Variants in TAFA2 observed in about 807,000 individuals in gnomAD.
TAFA2 encodes chemokine-like protein TAFA-2.
A neutral mutation model predicts 18.8 loss-of-function variants in TAFA2; 7 were observed. The ratio of observed to expected loss-of-function variants is 0.37; its 90% CI spans 0.21 to 0.70. The LOEUF (loss-of-function observed/expected upper bound fraction) is 0.70, where lower values mean the gene tolerates loss of function less well. Among genes scored for constraint, TAFA2 ranks in the 30% least tolerant of loss-of-function variants. The pLI, the probability that TAFA2 is intolerant of heterozygous loss-of-function variation, is 0.53. For missense variants in TAFA2, 122 were observed against 158.1 expected (o/e 0.77, Z 1.23); for synonymous variants, 60 against 54.2 (o/e 1.11, Z -0.47).
chr12:61,855,427 T>C (rs1873843202), intron 2 of TAFA2, among the ~76,000 whole-genome samples: 1 of 152,178 alleles, frequency 6.6e-6, no homozygotes, highest in African/African-American at 2.4e-5. Flanking sequence ...GCTTGTCTAT[T>C]AAGCTCTGCA....
At chr12:62,223,429 C>T (rs2062772616) in intron 1 of TAFA2, among the ~76,000 whole-genome samples, 2 of 152,154 alleles carry the variant, frequency 1.3e-5, no homozygotes, top group Admixed American at 1.3e-4. Flanking sequence ...CCCCTCACCT[C>T]GGCCTCCCAA....
intron 1 of TAFA2, among the ~76,000 whole-genome samples, chr12:61,927,411 C>A (rs1877350511): frequency 6.6e-6 from 1 of 152,046 alleles, no homozygotes; most frequent in South Asian, 2.1e-4. Context: ...CTGCCATTCA[C>A]AATAGCTACA....
At chr12:61,719,978 C>T (rs1869824878) in intron 4 of TAFA2, among the ~76,000 whole-genome samples, 1 of 151,712 alleles carries the variant, frequency 6.6e-6, no homozygotes, top group Non-Finnish European at 1.5e-5. Context: ...AACTAAAATC[C>T]ATTTTCTGAA....
chr12:61,947,164 G>C (rs1421737286), intron 1 of TAFA2, among the ~76,000 whole-genome samples: 1 of 144,776 alleles, frequency 6.9e-6, no homozygotes, highest in Non-Finnish European at 1.5e-5. Flanking sequence ...GTAGGGACAT[G>C]GATGAAATTA....
chr12:61,888,825 T>C (rs1022061543), intron 1 of TAFA2, among the ~76,000 whole-genome samples: 1 of 152,176 alleles, frequency 6.6e-6, no homozygotes, highest in African/African-American at 2.4e-5. Flanking sequence ...GTCCCAGAAA[T>C]GAATACCTGA....
At chr12:62,123,804 A>ACACACACACG (rs1041835200) in intron 1 of TAFA2, among the ~76,000 whole-genome samples, 2 of 149,852 alleles carry the variant, frequency 1.3e-5, no homozygotes, top group South Asian at 4.2e-4. Context: ...ACACACACAC[A>ACACACACACG]CACACACACC....
intron 1 of TAFA2, among the ~76,000 whole-genome samples, chr12:62,113,158 CG>C (rs1251576521): frequency 5.3e-5 from 8 of 152,044 alleles, no homozygotes; most frequent in Admixed American, 5.2e-4. Context: ...ATCTTCGGAT[CG>C]GGTGTTTGTG....
At chr12:62,063,880 A>ACACACACACG (rs764270569) in intron 1 of TAFA2, among the ~76,000 whole-genome samples, 1 of 151,950 alleles carries the variant, frequency 6.6e-6, no homozygotes, top group Non-Finnish European at 1.5e-5. Context: ...ACACACACAC[A>ACACACACACG]CACATGCATA....
Position 61,753,661 on chromosome 12 carries a change from T to G in TAFA2, c.345A>C (p.Gly115=). The G allele has an allele frequency of 2.5e-6, 4 of 1,612,710 alleles. No individual in the cohort carries two copies. The highest frequency in any genetic ancestry group is 3.4e-6 in the Non-Finnish European group (4 of 1,179,164). The change falls in exon 4 of 5, where the codon GGA becomes GGC. Residue 115 remains glycine (G), a synonymous_variant. Transcript: ENST00000416284. ...CTTTATTCCCAGAGGAACAGCTCCATCCTTTCCGATCCGGAAGAACTTTAC... is the reference window on the plus strand; with the variant it reads ...CTTTATTCCCAGAGGAACAGCTCCAGCCTTTCCGATCCGGAAGAACTTTAC... ...EECKVLPDRK[G]WSCSSGNKVK... is the part of the protein sequence containing the mutation.
intron 1 of TAFA2, among the ~76,000 whole-genome samples, chr12:62,013,110 A>T (rs1312315231): frequency 6.6e-6 from 1 of 152,182 alleles, no homozygotes; most frequent in Non-Finnish European, 1.5e-5. Context: ...GAACATTCGT[A>T]GTTTATGGAC....
At chr12:62,123,941 A>G (rs1565752414) in intron 1 of TAFA2, among the ~76,000 whole-genome samples, 1 of 152,104 alleles carries the variant, frequency 6.6e-6, no homozygotes. Flanking sequence ...GAGGTTACAG[A>G]ACTTATTCAT....
intron 1 of TAFA2, among the ~76,000 whole-genome samples, chr12:62,031,718 A>C (rs1301545229): frequency 6.6e-6 from 1 of 152,192 alleles, no homozygotes; most frequent in Non-Finnish European, 1.5e-5. Context: ...AGTCAACTAC[A>C]CTACGAATTT....
At position 61,709,374 on chromosome 12, in the gene TAFA2, T is replaced by C. The variant is rs567206586; in HGVS notation, c.*1032A>G. 8 of 152,244 alleles carry C rather than the reference T, an allele frequency of 5.3e-5. No homozygotes were observed. In the East Asian group the frequency reaches 1.2e-3, roughly 22 times the overall value. 9.4% of individuals were successfully genotyped at this position (152,244 alleles called of 1,614,324 possible). On this transcript the variant is annotated 3_prime_UTR_variant, in exon 5 of 5. Coordinates refer to ENST00000416284, the MANE Select transcript of TAFA2 (RefSeq NM_178539.5). ...TTTCTATCAACAGATTGAACAAATATATAAGCATTCAAACAGTCATTGGGA... is the reference window on the plus strand; with the variant it reads ...TTTCTATCAACAGATTGAACAAATACATAAGCATTCAAACAGTCATTGGGA...
rs568926122 is a variant in TAFA2 at position 62,199,616 on chromosome 12, G to GTA, written c.-130+59145_-130+59146dup. Among the ~76,000 whole-genome samples, 450 of 151,624 alleles carry GTA rather than the reference G, an allele frequency of 3.0e-3. 1 individual carries two copies. The highest frequency in any genetic ancestry group is 0.01 in the African/African-American group (421 of 41,254). The stretch of plus-strand genomic sequence containing the variant: ...TGTGTATATATATATATATGTATGT[G>GTA]TATATATATATAAAACATTGTCTTT... On this transcript the variant is annotated intron_variant, in intron 1 of 5. Transcript: ENST00000551619.
At chr12:62,011,317 T>G (rs1880758463) in intron 1 of TAFA2, among the ~76,000 whole-genome samples, 1 of 150,586 alleles carries the variant, frequency 6.6e-6, no homozygotes, top group Non-Finnish European at 1.5e-5. Context: ...AAGGGGGAAA[T>G]GTGGGGAAAA....
intron 1 of TAFA2, among the ~76,000 whole-genome samples, chr12:62,171,199 A>G (rs76504731): frequency 6.6e-6 from 1 of 152,226 alleles, no homozygotes; most frequent in East Asian, 1.9e-4. Flanking sequence ...CTCTCAATTA[A>G]TAAGTAACTC....
At chr12:61,985,419 C>T (rs571792301) in intron 1 of TAFA2, among the ~76,000 whole-genome samples, 27 of 152,238 alleles carry the variant, frequency 1.8e-4, no homozygotes, top group African/African-American at 4.8e-4. Flanking sequence ...TGGTTTATCA[C>T]ATACAGTCTC....
intron 1 of TAFA2, among the ~76,000 whole-genome samples, chr12:62,251,122 C>T (rs2062911580): frequency 6.6e-6 from 1 of 152,180 alleles, no homozygotes; most frequent in Non-Finnish European, 1.5e-5. Flanking sequence ...AAATATGTGG[C>T]ACTGGCTTTG....
chr12:61,938,263 T>C (rs952309222), intron 1 of TAFA2, among the ~76,000 whole-genome samples: 3 of 146,904 alleles, frequency 2.0e-5, no homozygotes, highest in Admixed American at 6.8e-5. Flanking sequence ...GGAAAACTTA[T>C]ATATTGCTGG....
Sources: allele counts gnomAD v4.1 joint callset (sites outside exome capture counted in the v4.1 genomes callset), GRCh38; gene constraint gnomAD v4.1.1; transcripts MANE v1.5; gene names NCBI Gene and HGNC (gene_info 2026-07-23, HGNC 2026-07-21).